MIA: variants seen among roughly 807,000 people sequenced by gnomAD.
MIA encodes the protein melanoma-derived growth regulatory protein.
A neutral mutation model predicts 18.5 loss-of-function variants in MIA; 18 were observed. That is an observed-to-expected ratio of 0.97 (90% CI 0.67 to 1.44). The LOEUF (loss-of-function observed/expected upper bound fraction) is 1.44. MIA is among the 40% of genes most tolerant of loss of function. The probability of loss-of-function intolerance (pLI) is 0.00; values close to 1 mark genes in which losing one functional copy is unlikely to be tolerated. For synonymous variants in MIA, 55 were observed against 64.9 expected, an observed-to-expected ratio of 0.85 and a Z score of 0.74; for missense variants, 158 against 172.4, an observed-to-expected ratio of 0.92 and a Z score of 0.47.
At chr19:40,777,274 A>C in intron 3 of MIA, 123 bp from the exon 4 acceptor site, 2 of 1,247,490 alleles carry the variant, frequency 1.6e-6, no homozygotes, top group Non-Finnish European at 2.3e-6. Flanking sequence ...CTCTAGGCTA[A>C]TTTGCATAGC....
chr19:40,775,558 G>A lies in MIA; in HGVS notation c.16G>A (p.Val6Met). Residue 6 changes from valine (V) to methionine (M), a missense_variant, in exon 1 of 4, where the codon GTG (valine) becomes ATG (methionine). Transcript: ENST00000263369. ...ACAGTCCACGATGGCCCGGTCCCTG[G>A]TGTGCCTTGGTGTCATCATCTTGCT... MARSL[V>M]CLGVIILLSA... The A allele has an allele frequency of 1.2e-6, 2 of 1,614,162 alleles. No homozygotes were observed. Among genetic ancestry groups the A allele is most frequent in the South Asian group, 1.1e-5 (1 of 91,072 alleles).
At chr19:40,776,572 C>T (rs2082998151) in intron 2 of MIA, among the ~76,000 whole-genome samples, 1 of 151,828 alleles carries the variant, frequency 6.6e-6, no homozygotes, top group Admixed American at 6.6e-5. Flanking sequence ...AGACCCCCAT[C>T]TCTATAAAAA....
chr19:40,776,843 C>A, intron 2 of MIA, 126 bp from the exon 3 acceptor site: 1 of 641,508 alleles, frequency 1.6e-6, no homozygotes, highest in Middle Eastern at 2.8e-4. Context: ...GGCATTTAAG[C>A]TGAGATTCAT....
Position 40,775,675 on chromosome 19 carries a change from A to G in MIA, c.127+6A>G, listed in dbSNP as rs899426785. The G allele has an allele frequency of 6.2e-7, 1 of 1,613,950 alleles. No homozygotes were observed. The highest frequency in any genetic ancestry group is 1.3e-5 in the African/African-American group (1 of 74,958). On this transcript the variant is annotated splice_donor_region_variant and intron_variant, in intron 1 of 3. Transcript: ENST00000263369. Reference sequence around the variant, plus strand: ...TGCGGACCAGGAGTGCAGCCGTAAGAATGGGGAGGGGAGAATTGGGGGCTT... The same window carrying G: ...TGCGGACCAGGAGTGCAGCCGTAAGGATGGGGAGGGGAGAATTGGGGGCTT...
chr19:40,775,976 A>C, intron 2 of MIA, 91 bp downstream of exon 2: 1 of 1,483,700 alleles, frequency 6.7e-7, no homozygotes, highest in African/African-American at 1.4e-5. Context: ...GGGTGAACTG[A>C]AATAGACATT....
Position 40,775,573 on chromosome 19 carries a change from A to G in MIA, c.31A>G (p.Ile11Val), listed in dbSNP as rs900861924. The G allele has an allele frequency of 6.2e-7, 1 of 1,614,096 alleles. No individual in the cohort carries two copies. Among genetic ancestry groups the G allele is most frequent in the Admixed American group, 1.7e-5 (1 of 59,996 alleles). The change falls in exon 1 of 4, where the codon ATC (isoleucine) becomes GTC (valine). Residue 11 changes from isoleucine to valine, a missense_variant. Ile to Val is a conservative substitution (Grantham distance 29). Coordinates refer to ENST00000263369, the MANE Select transcript of MIA (RefSeq NM_006533.4). ...CCGGTCCCTGGTGTGCCTTGGTGTC[A>G]TCATCTTGCTGTCTGCCTTCTCCGG... The part of the protein sequence containing the change: MARSLVCLGV[I>V]ILLSAFSGPG...
At chr19:40,776,193 A>C (rs1269506727) in intron 2 of MIA, among the ~76,000 whole-genome samples, 1 of 151,840 alleles carries the variant, frequency 6.6e-6, no homozygotes, top group African/African-American at 2.4e-5. Context: ...CACCTGGCTA[A>C]TTTTTGTATT....
chr19:40,776,734 C>A (rs1476274705), intron 2 of MIA: 1 of 396,404 alleles, frequency 2.5e-6, no homozygotes, highest in Non-Finnish European at 4.6e-6. Context: ...ACAATGAGAC[C>A]CTGTTTCCAA....
chr19:40,776,964 C>T lies in MIA; in HGVS notation c.262-5C>T. ...AGACCCTAGCTTTTAACTCCTCTTCCCCAGGTTCAGGGAGATTACTATGGA... is the reference window on the plus strand; with the variant it reads ...AGACCCTAGCTTTTAACTCCTCTTCTCCAGGTTCAGGGAGATTACTATGGA... On this transcript the variant is annotated splice_region_variant and splice_polypyrimidine_tract_variant and intron_variant, in intron 2 of 3. Transcript: ENST00000263369. 1.2e-6 allele frequency: 2 copies of T among 1,609,398 alleles called. No homozygotes were observed. The highest frequency in any genetic ancestry group is 1.7e-6 in the Non-Finnish European group (2 of 1,176,710).
At chr19:40,775,183 T>A, upstream of MIA, 1 of 202,424 alleles carries the variant, frequency 4.9e-6, no homozygotes, top group East Asian at 1.2e-4. Flanking sequence ...TCCGCTTCTG[T>A]GGCCAGAGGG....
At chr19:40,776,004 CTTACT>C in intron 2 of MIA, 119 bp downstream of exon 2, 4 of 1,334,258 alleles carry the variant, frequency 3.0e-6, no homozygotes, top group Non-Finnish European at 4.1e-6. Context: ...GATATTGTTA[CTTACT>C]TTATTTTATT....
chr19:40,777,029 G>A lies in MIA; in HGVS notation c.322G>A (p.Val108Ile). Residue 108 changes from valine (V) to isoleucine (I), a missense_variant, in exon 3 of 4, where the codon GTC (valine) becomes ATC (isoleucine). Physicochemically the swap from Val to Ile is conservative, Grantham distance 29. Transcript: ENST00000263369. Reference protein sequence around the residue: ...ARLGYFPSSIVREDQTLKPGK... With the variant: ...ARLGYFPSSIIREDQTLKPGK... ...CCTGGGCTATTTCCCCAGTAGCATT[G>A]TCCGAGAGGACCAGACCCTGAAACC... 1 of 1,613,716 alleles carries A rather than the reference G, an allele frequency of 6.2e-7. No homozygotes were observed.
upstream of MIA, chr19:40,775,267 G>T (rs1228855464): frequency 2.1e-6 from 1 of 471,468 alleles, no homozygotes; most frequent in African/African-American, 1.9e-5. Flanking sequence ...ACCTTATCTA[G>T]GCCTCTGTGA....
intron 2 of MIA, 44 bp from the exon 3 acceptor site, chr19:40,776,925 C>A (rs1200817582): frequency 5.7e-6 from 8 of 1,415,738 alleles, no homozygotes; most frequent in Non-Finnish European, 7.9e-6. Context: ...CAGGCACAAG[C>A]TTGCCATCTT....
chr19:40,775,753 C>T lies in MIA; in HGVS notation c.129C>T (p.His43=). Residue 43 remains histidine (H), a splice_region_variant and synonymous_variant, in exon 2 of 4, where the codon CAC becomes CAT. Coordinates refer to ENST00000263369, the MANE Select transcript of MIA (RefSeq NM_006533.4). ...RKLCADQECS[H]PISMAVALQD... ...CATTCCCTTCTATTCCTTCCCTAGACCCTATCTCCATGGCTGTGGCCCTTC... is the reference window on the plus strand; with the variant it reads ...CATTCCCTTCTATTCCTTCCCTAGATCCTATCTCCATGGCTGTGGCCCTTC... 1.2e-6 allele frequency: 2 copies of T among 1,614,132 alleles called. No homozygotes were observed. Among genetic ancestry groups the T allele is most frequent in the Non-Finnish European group, 8.5e-7 (1 of 1,180,034 alleles).
At chr19:40,775,289 G>A, upstream of MIA, 3 of 523,500 alleles carry the variant, frequency 5.7e-6, no homozygotes, top group Non-Finnish European at 1.0e-5. Flanking sequence ...TGTTGAGGAG[G>A]GGGCTGTCAC....
chr19:40,777,312 A>C, intron 3 of MIA, 85 bp from the exon 4 acceptor site: 2 of 1,501,784 alleles, frequency 1.3e-6, no homozygotes, highest in Non-Finnish European at 1.9e-6. Flanking sequence ...TGGGCCCTGC[A>C]GCTGCAGCCT....
rs770368729 is a variant in MIA at position 40,775,788 on chromosome 19, T to C, written c.164T>C (p.Met55Thr). ...ISMAVALQDY[M>T]APDCRFLTIH... The stretch of plus-strand genomic sequence containing the variant: ...ATGGCTGTGGCCCTTCAGGACTACA[T>C]GGCCCCCGACTGCCGATTCCTGACC... The change falls in exon 2 of 4, where the codon ATG (methionine) becomes ACG (threonine). Residue 55 changes from methionine (M) to threonine (T), a missense_variant. Transcript: ENST00000263369. 2 of 1,614,124 alleles carry C rather than the reference T, an allele frequency of 1.2e-6. No homozygotes were observed. Among genetic ancestry groups the C allele is most frequent in the Admixed American group, 3.3e-5 (2 of 60,000 alleles).
upstream of MIA, chr19:40,775,171 C>G (rs970979970): frequency 1.5e-5 from 3 of 194,902 alleles, no homozygotes; most frequent in African/African-American, 2.3e-5. Context: ...TTTACAGGCT[C>G]CTCCGCTTCT....
Sources: allele counts gnomAD v4.1 joint callset (sites outside exome capture counted in the v4.1 genomes callset), GRCh38; gene constraint gnomAD v4.1.1; transcripts MANE v1.5; gene names NCBI Gene and HGNC (gene_info 2026-07-23, HGNC 2026-07-21).